Variants in ASIC2 observed in about 807,000 individuals in gnomAD.
ASIC2 encodes acid sensing ion channel subunit 2, also known as acid-sensing ion channel 2.
In ASIC2, 25 loss-of-function variants were observed where a neutral mutation model predicts 57.3. The observed-to-expected ratio is 0.44, with a 90% CI of 0.32 to 0.61. The LOEUF (loss-of-function observed/expected upper bound fraction) is 0.61. Ranked by LOEUF, ASIC2 falls within the 20% of genes least tolerant of loss-of-function variation. The probability of loss-of-function intolerance (pLI) is 0.06; values close to 1 mark genes in which losing one functional copy is unlikely to be tolerated. For synonymous variants in ASIC2, 319 were observed against 307.5 expected (o/e 1.04, Z -0.39); for missense variants, 641 against 738.1 (o/e 0.87, Z 1.52).
At chr17:33,628,958 T>G (rs1299839324) in intron 1 of ASIC2, among the ~76,000 whole-genome samples, 1 of 152,182 alleles carries the variant, frequency 6.6e-6, no homozygotes, top group East Asian at 1.9e-4. Context: ...AGCACAGTGT[T>G]GGGAATACAG....
At chr17:33,669,025 A>G (rs1049162651) in intron 1 of ASIC2, among the ~76,000 whole-genome samples, 23 of 152,296 alleles carry the variant, frequency 1.5e-4, no homozygotes, top group African/African-American at 5.5e-4. Context: ...TAGCCCATGC[A>G]AGTGGTCTAG....
chr17:33,203,428 C>A (rs1488351364), intron 1 of ASIC2, among the ~76,000 whole-genome samples: 9 of 152,206 alleles, frequency 5.9e-5, no homozygotes, highest in Non-Finnish European at 1.5e-5. Context: ...TAAGAAGAAA[C>A]TGGACCTCTG....
At chr17:33,910,359 G>A (rs1235927967) in intron 1 of ASIC2, among the ~76,000 whole-genome samples, 6 of 152,146 alleles carry the variant, frequency 3.9e-5, no homozygotes, top group Admixed American at 3.9e-4. Context: ...CTGGCCTAAT[G>A]TCACACAGCT....
In ASIC2 at chr17:33,472,744, A is replaced by G. The variant is rs112027426; in HGVS notation, c.556-360677T>C. 6.9e-3 allele frequency among the ~76,000 whole-genome samples: 1,057 copies of G among 152,138 alleles called. 5 individuals are homozygous for G. Among genetic ancestry groups the G allele is most frequent in the Non-Finnish European group, 0.013 (859 of 68,020 alleles). ...TAGAGAAGGAAGGAAACAAGAAAAC[A>G]TGGGGCACACAGGGGCCAGGAAGGA... is the stretch of plus-strand genomic sequence containing the variant. On this transcript the variant is annotated intron_variant, in intron 1 of 9. Coordinates refer to the ASIC2 transcript ENST00000359872.
chr17:33,015,451 C>T (rs1259326465), intron 9 of ASIC2, among the ~76,000 whole-genome samples: 1 of 152,192 alleles, frequency 6.6e-6, no homozygotes, highest in Non-Finnish European at 1.5e-5. Context: ...GGTCTCTGGG[C>T]CTCAACTGCC....
At chr17:33,028,470 A>C in intron 3 of ASIC2, 78 bp from the exon 4 acceptor site, 1 of 1,536,182 alleles carries the variant, frequency 6.5e-7, no homozygotes, top group African/African-American at 1.4e-5. Context: ...TCAATCAACA[A>C]ACAATTATTG....
chr17:33,202,527 C>A (rs1224507948), intron 1 of ASIC2, among the ~76,000 whole-genome samples: 1 of 152,110 alleles, frequency 6.6e-6, no homozygotes, highest in Non-Finnish European at 1.5e-5. Context: ...CAGCACCTCC[C>A]GTGGGGGTCC....
intron 1 of ASIC2, among the ~76,000 whole-genome samples, chr17:33,367,539 G>T (rs898364610): frequency 1.3e-5 from 2 of 152,196 alleles, no homozygotes; most frequent in Non-Finnish European, 2.9e-5. Flanking sequence ...GCTGCCCAGA[G>T]TCTGCCTCCC....
At chr17:33,617,636 C>T (rs1028297909) in intron 1 of ASIC2, among the ~76,000 whole-genome samples, 2 of 152,154 alleles carry the variant, frequency 1.3e-5, no homozygotes, top group Non-Finnish European at 2.9e-5. Context: ...TGCACATGTA[C>T]CCCGGACCTA....
At chr17:33,450,920 C>T (rs1027818439) in intron 1 of ASIC2, among the ~76,000 whole-genome samples, 2 of 152,166 alleles carry the variant, frequency 1.3e-5, no homozygotes, top group South Asian at 2.1e-4. Flanking sequence ...GAGCTCCATG[C>T]CAACATATCC....
chr17:33,805,291 G>A (rs189963228), intron 1 of ASIC2, among the ~76,000 whole-genome samples: 150 of 152,278 alleles, frequency 9.9e-4, no homozygotes, highest in Non-Finnish European at 1.6e-3. Context: ...TGCCATGTCT[G>A]TTGATTGACC....
intron 1 of ASIC2, among the ~76,000 whole-genome samples, chr17:33,623,246 GTTT>G (rs1567672131): frequency 2.1e-4 from 3 of 14,232 alleles, no homozygotes; most frequent in Non-Finnish European, 6.7e-4. Flanking sequence ...GTTTTTTTTT[GTTT>G]GTTTGTTTGT....
chr17:33,293,962 G>A (rs574050249), upstream of ASIC2, among the ~76,000 whole-genome samples: 28 of 152,172 alleles, frequency 1.8e-4, no homozygotes, highest in South Asian at 5.4e-3. Flanking sequence ...GAGTATGTGT[G>A]TTGAGGCATT....
chr17:33,987,252 G>T (rs1905850240), intron 1 of ASIC2, among the ~76,000 whole-genome samples: 1 of 152,180 alleles, frequency 6.6e-6, no homozygotes, highest in Non-Finnish European at 1.5e-5. Flanking sequence ...ACCTCACTAT[G>T]CTCTGGTGCT....
intron 1 of ASIC2, among the ~76,000 whole-genome samples, chr17:33,185,315 C>T (rs1408219013): frequency 6.6e-6 from 1 of 152,192 alleles, no homozygotes; most frequent in Non-Finnish European, 1.5e-5. Context: ...AAAACCAGCA[C>T]TCCAGCCTCT....
At chr17:33,416,153 C>G (rs1325880575) in intron 1 of ASIC2, among the ~76,000 whole-genome samples, 1 of 152,188 alleles carries the variant, frequency 6.6e-6, no homozygotes, top group Non-Finnish European at 1.5e-5. Flanking sequence ...TGCACATGTT[C>G]TGAGATGTGA....
chr17:33,871,922 GGAGA>G lies in ASIC2; in HGVS notation c.555+284052_555+284055del, dbSNP rs143329103. Among the ~76,000 whole-genome samples the G allele has an allele frequency of 1.1e-3, 169 of 151,948 alleles. 2 individuals are homozygous for G. In the South Asian group the frequency reaches 0.023, roughly 20 times the overall value. On this transcript the variant is annotated intron_variant, in intron 1 of 9. Transcript: ENST00000359872. Reference sequence around the variant, plus strand: ...TTGGGCTGAGTCACACTCTGCAGAGGGAGAGAGAGAGAGCTTGGACCTCAGAAAA... The same window carrying G: ...TTGGGCTGAGTCACACTCTGCAGAGGGAGAGAGAGCTTGGACCTCAGAAAA...
chr17:33,980,896 T>A (rs2142003994), intron 1 of ASIC2: 1 of 151,606 alleles, frequency 6.6e-6, no homozygotes, highest in South Asian at 2.1e-4. Flanking sequence ...GCTCAGCTTC[T>A]CCCTCTGTCT....
chr17:33,679,162 CAAAT>C (rs1209184254), intron 1 of ASIC2, among the ~76,000 whole-genome samples: 1 of 152,112 alleles, frequency 6.6e-6, no homozygotes, highest in Admixed American at 6.5e-5. Context: ...GGTACAGAAA[CAAAT>C]AACACGTGTT....
Sources: gnomAD v4.1 joint callset for allele counts (sites outside exome capture counted in the v4.1 genomes callset) on GRCh38, gnomAD v4.1.1 for gene constraint, MANE v1.5 for transcripts, NCBI Gene and HGNC (gene_info 2026-07-23, HGNC 2026-07-21) for gene names.